Variants in ZFAT observed in about 807,000 individuals in gnomAD.
ZFAT encodes zinc finger protein ZFAT.
A neutral mutation model predicts 117.7 loss-of-function variants in ZFAT; 64 were observed. The observed-to-expected ratio is 0.54, with a 90% CI of 0.44 to 0.67. The LOEUF (loss-of-function observed/expected upper bound fraction) is 0.67. Among genes scored for constraint, ZFAT ranks in the 30% least tolerant of loss-of-function variants. The probability of loss-of-function intolerance (pLI) is 0.00; values close to 1 mark genes in which losing one functional copy is unlikely to be tolerated. For missense variants in ZFAT, 1,433 were observed against 1,584.5 expected, an observed-to-expected ratio of 0.90 and a Z score of 1.62; for synonymous variants, 679 against 615.0, an observed-to-expected ratio of 1.10 and a Z score of -1.54.
At chr8:134,636,654 G>T (rs1327194340) in intron 3 of ZFAT, among the ~76,000 whole-genome samples, 1 of 152,096 alleles carries the variant, frequency 6.6e-6, no homozygotes, top group African/African-American at 2.4e-5. Flanking sequence ...CTTAAACATG[G>T]GGTACAGTTT....
chr8:134,533,850 G>A (rs185967635), intron 11 of ZFAT, among the ~76,000 whole-genome samples: 65 of 152,320 alleles, frequency 4.3e-4, no homozygotes, highest in Admixed American at 2.7e-3. Flanking sequence ...TTGGCTGGTC[G>A]ACGGATGGGC....
intron 15 of ZFAT, among the ~76,000 whole-genome samples, chr8:134,482,787 G>A (rs911142979): frequency 1.3e-5 from 2 of 152,224 alleles, no homozygotes; most frequent in Non-Finnish European, 2.9e-5. Context: ...TATTTCCCAA[G>A]TCCTGCGAAG....
At chr8:134,556,548 A>G (rs1823639208) in intron 11 of ZFAT, among the ~76,000 whole-genome samples, 1 of 152,192 alleles carries the variant, frequency 6.6e-6, no homozygotes, top group Non-Finnish European at 1.5e-5. Flanking sequence ...GAAAACCAAA[A>G]AAAAAGAGGA....
chr8:134,604,237 AG>A (rs1337302956), intron 5 of ZFAT, among the ~76,000 whole-genome samples: 17 of 152,230 alleles, frequency 1.1e-4, no homozygotes, highest in African/African-American at 3.4e-4. Context: ...GAGAAAACTG[AG>A]TATTTGCCCC....
chr8:134,717,689 T>C (rs1270831172), upstream of ZFAT, among the ~76,000 whole-genome samples: 1 of 151,048 alleles, frequency 6.6e-6, no homozygotes, highest in African/African-American at 2.4e-5. Flanking sequence ...GGTTTCACCA[T>C]GTTAGCCAGG....
chr8:134,548,022 G>A (rs1401664129), intron 11 of ZFAT, among the ~76,000 whole-genome samples: 1 of 152,220 alleles, frequency 6.6e-6, no homozygotes, highest in Non-Finnish European at 1.5e-5. Context: ...CCCAGAAACA[G>A]AGGATCTGTT....
chr8:134,798,144 T>G, the ZFAT span: 10 of 151,998 alleles, frequency 6.6e-5, no homozygotes, highest in Admixed American at 5.9e-4. Flanking sequence ...TGGAAATCGA[T>G]GACAAGAGAA....
At chr8:134,712,815 C>CCGCG in intron 1 of ZFAT, 30 bp downstream of exon 1, 1 of 1,128,116 alleles carries the variant, frequency 8.9e-7, no homozygotes, top group Non-Finnish European at 1.2e-6. Flanking sequence ...ACCCCCACCC[C>CCGCG]GTCTCACCCC....
the ZFAT span, among the ~76,000 whole-genome samples, chr8:134,815,064 A>G: frequency 6.6e-6 from 1 of 152,246 alleles, no homozygotes; most frequent in Non-Finnish European, 1.5e-5. Context: ...TCAGCTAAAT[A>G]ATTTCAAAAT....
At chr8:134,643,382 G>A (rs989175606) in intron 2 of ZFAT, among the ~76,000 whole-genome samples, 1 of 152,200 alleles carries the variant, frequency 6.6e-6, no homozygotes, top group African/African-American at 2.4e-5. Context: ...GGAAAATGAC[G>A]ATAGTCTCAT....
upstream of ZFAT, among the ~76,000 whole-genome samples, chr8:134,715,577 G>A (rs1814202321): frequency 6.6e-6 from 1 of 152,230 alleles, no homozygotes; most frequent in African/African-American, 2.4e-5. Context: ...CTATTTGCCA[G>A]TAATATTTCA....
the ZFAT span, chr8:134,797,404 C>T: frequency 1.3e-5 from 2 of 152,046 alleles, no homozygotes; most frequent in African/African-American, 4.8e-5. Flanking sequence ...GGAATTTGAG[C>T]TCTTACAACA....
At chr8:134,563,383 G>GT (rs1417822100) in intron 11 of ZFAT, among the ~76,000 whole-genome samples, 5 of 152,210 alleles carry the variant, frequency 3.3e-5, no homozygotes, top group Non-Finnish European at 7.3e-5. Flanking sequence ...TGAAGTCCAT[G>GT]TTTTAGCTTC....
the ZFAT span, among the ~76,000 whole-genome samples, chr8:134,787,221 G>C: frequency 6.6e-6 from 1 of 152,128 alleles, no homozygotes; most frequent in Admixed American, 6.5e-5. Context: ...CCACAAATTA[G>C]TTTAAAATGT....
the ZFAT span, among the ~76,000 whole-genome samples, chr8:134,757,065 G>GGAGT: frequency 1.5e-5 from 2 of 136,962 alleles, no homozygotes; most frequent in Non-Finnish European, 1.5e-5. Flanking sequence ...CGCCCAGGCT[G>GGAGT]GAGTGCAGTG....
intron 11 of ZFAT, among the ~76,000 whole-genome samples, chr8:134,538,474 CA>C (rs1031703676): frequency 1.3e-5 from 2 of 152,016 alleles, no homozygotes; most frequent in African/African-American, 4.8e-5. Flanking sequence ...TTCCTTTTTC[CA>C]AAATGTGGCA....
chr8:134,814,427 A>G, the ZFAT span, among the ~76,000 whole-genome samples: 1 of 152,212 alleles, frequency 6.6e-6, no homozygotes, highest in Admixed American at 6.5e-5. Flanking sequence ...GTTTCTATTT[A>G]AAATAAGACA....
intron 9 of ZFAT, among the ~76,000 whole-genome samples, chr8:134,584,421 G>A (rs1248131956): frequency 1.3e-5 from 2 of 152,226 alleles, no homozygotes; most frequent in Non-Finnish European, 2.9e-5. Flanking sequence ...GAGATCCTGA[G>A]CAACCTGCAG....
Position 134,512,527 on chromosome 8 carries a change from C to T in ZFAT, c.3309G>A (p.Gly1103=). ...GGAGCGCGGCCACCGCTGCCTGTGT[C>T]CCTTGAACGTCTTCTTCGGCCTCTG... ...HITEAEEDVQ[G]TQAAVAALQD... Residue 1103 remains glycine (G), a synonymous_variant, in exon 14 of 16, where the codon GGG becomes GGA. Coordinates refer to ENST00000377838, the MANE Select transcript of ZFAT (RefSeq NM_020863.4). 1 of 1,614,014 alleles carries T rather than the reference C, an allele frequency of 6.2e-7. No homozygotes were observed. The highest frequency in any genetic ancestry group is 8.5e-7 in the Non-Finnish European group (1 of 1,179,900).
Sources: allele counts gnomAD v4.1 joint callset (sites outside exome capture counted in the v4.1 genomes callset), GRCh38; gene constraint gnomAD v4.1.1; transcripts MANE v1.5; gene names NCBI Gene and HGNC (gene_info 2026-07-23, HGNC 2026-07-21).